Variants in PRSS12 observed in about 807,000 individuals in gnomAD.
PRSS12 encodes serine protease 12, also known as neurotrypsin.
PRSS12 carries 85 observed loss-of-function variants against 104.4 expected under a neutral mutation model. The ratio of observed to expected loss-of-function variants is 0.81; its 90% CI spans 0.68 to 0.98. The LOEUF is 0.98. PRSS12 is among the 50% of genes least tolerant of loss of function. The pLI is 0.00. For synonymous variants in PRSS12, 454 were observed against 425.2 expected (o/e 1.07, Z -0.83); for missense variants, 1,141 against 1,139.2 (o/e 1.00, Z -0.02).
chr4:118,339,361 AAAGTT>A (rs1371120222), intron 1 of PRSS12, among the ~76,000 whole-genome samples: 1 of 152,246 alleles, frequency 6.6e-6, no homozygotes, highest in African/African-American at 2.4e-5. Flanking sequence ...TGCATATTTC[AAAGTT>A]ATGTATGGCT....
intron 1 of PRSS12, 117 bp from the exon 2 acceptor site, chr4:118,338,431 G>C: frequency 7.7e-7 from 1 of 1,293,512 alleles, no homozygotes; most frequent in Non-Finnish European, 1.1e-6. Context: ...CAGGCAGAAT[G>C]ATTTAGCCTC....
At chr4:118,295,755 A>T (rs1468495828) in intron 10 of PRSS12, 23 bp downstream of exon 10, 2 of 1,589,044 alleles carry the variant, frequency 1.3e-6, no homozygotes, top group African/African-American at 1.3e-5. Flanking sequence ...AATATAAAAA[A>T]TCTCTTTTGG....
At chr4:118,340,028 T>A (rs1724160778) in intron 1 of PRSS12, among the ~76,000 whole-genome samples, 1 of 152,190 alleles carries the variant, frequency 6.6e-6, no homozygotes, top group African/African-American at 2.4e-5. Context: ...GCACATTAAG[T>A]GATCATAAGA....
chr4:118,338,260 T>C lies in PRSS12; in HGVS notation c.557A>G (p.Tyr186Cys). ...GACAGTGCCCCAAACTCCACTTGCA[T>C]ATACTTCCACTGTGCCTTCAAACTC... ...KNEFEGTVEV[Y>C]ASGVWGTVCS... Residue 186 changes from tyrosine (Y) to cysteine (C), a missense_variant, in exon 2 of 13, where the codon TAT (tyrosine) becomes TGT (cysteine). Tyr to Cys is a radical substitution (Grantham distance 194). Coordinates refer to ENST00000296498, the MANE Select transcript of PRSS12 (RefSeq NM_003619.4). 1.2e-6 allele frequency: 2 copies of C among 1,614,070 alleles called. No homozygotes were observed. Among genetic ancestry groups the C allele is most frequent in the Non-Finnish European group, 1.7e-6 (2 of 1,179,950 alleles).
At position 118,295,666 on chromosome 4, in the gene PRSS12, GAAAAT is replaced by G. The variant is rs36203193; in HGVS notation, c.1916+107_1916+111del. 663 of 1,024,178 alleles carry G rather than the reference GAAAAT, an allele frequency of 6.5e-4. No homozygotes were observed. In the African/African-American group the frequency reaches 9.8e-3, roughly 15 times the overall value. The allele number at this position is 1,024,178 out of a possible 1,614,324, so 63.4% of individuals were successfully genotyped here. ...ATCAGTGAAATCTGAATTTAGTTTA[GAAAAT>G]AAAATGAGTACAAGTCCCTTATATA... is the stretch of plus-strand genomic sequence containing the variant. On this transcript the variant is annotated intron_variant, in intron 10 of 12. Coordinates refer to ENST00000296498, the MANE Select transcript of PRSS12 (RefSeq NM_003619.4).
In PRSS12 at chr4:118,295,827, A is replaced by G. The variant is rs781009683; in HGVS notation, c.1867T>C (p.Leu623=). 9 of 1,613,998 alleles carry G rather than the reference A, an allele frequency of 5.6e-6. No individual in the cohort carries two copies. In the Admixed American group the frequency reaches 6.7e-5, roughly 12 times the overall value. The change falls in exon 10 of 13, where the codon TTA becomes CTA. Residue 623 remains leucine, a synonymous_variant. Transcript: ENST00000296498. The stretch of plus-strand genomic sequence containing the variant: ...ATCCGCTTCTGCCGACGGTGCAGTA[A>G]TCTCAAGCCACAAACAGATGAGAGG... ...ESLSSVCGLR[L]LHRRQKRIIG...
At chr4:118,295,914 G>T in intron 9 of PRSS12, 58 bp from the exon 10 acceptor site, 2 of 1,439,320 alleles carry the variant, frequency 1.4e-6, no homozygotes, top group East Asian at 2.3e-5. Flanking sequence ...GGGGTAAGAC[G>T]ATAAGTGACA....
At chr4:118,316,678 T>C (rs1723430637) in intron 5 of PRSS12, among the ~76,000 whole-genome samples, 2 of 151,766 alleles carry the variant, frequency 1.3e-5, no homozygotes, top group African/African-American at 4.8e-5. Flanking sequence ...AAAAATTAGC[T>C]GAGCATGGTG....
At chr4:118,344,164 GA>G (rs1229833669) in intron 1 of PRSS12, among the ~76,000 whole-genome samples, 1 of 151,908 alleles carries the variant, frequency 6.6e-6, no homozygotes, top group Non-Finnish European at 1.5e-5. Context: ...CAAAAGAATA[GA>G]AAAAAACCAT....
chr4:118,334,568 A>C (rs1724014830), intron 3 of PRSS12, among the ~76,000 whole-genome samples: 1 of 152,192 alleles, frequency 6.6e-6, no homozygotes, highest in South Asian at 2.1e-4. Flanking sequence ...TCAAAAAAAA[A>C]AGGATTATAG....
At chr4:118,340,420 C>T (rs1724171116) in intron 1 of PRSS12, among the ~76,000 whole-genome samples, 1 of 152,142 alleles carries the variant, frequency 6.6e-6, no homozygotes, top group African/African-American at 2.4e-5. Flanking sequence ...CAGCCAGCCC[C>T]AACACACACC....
At chr4:118,339,142 A>G (rs1200640952) in intron 1 of PRSS12, among the ~76,000 whole-genome samples, 1 of 152,104 alleles carries the variant, frequency 6.6e-6, no homozygotes, top group Non-Finnish European at 1.5e-5. Context: ...TGGTTCAAAG[A>G]CCTACATTCC....
At chr4:118,288,002 C>G (rs1420745019) in intron 11 of PRSS12, among the ~76,000 whole-genome samples, 1 of 152,114 alleles carries the variant, frequency 6.6e-6, no homozygotes, top group Non-Finnish European at 1.5e-5. Context: ...TTCTCTGAGA[C>G]TCTGAGGCTA....
intron 3 of PRSS12, among the ~76,000 whole-genome samples, chr4:118,335,128 T>C (rs1724027022): frequency 6.6e-6 from 1 of 152,170 alleles, no homozygotes; most frequent in African/African-American, 2.4e-5. Flanking sequence ...TTCATGATTA[T>C]TTTCCAGCTT....
intron 2 of PRSS12, among the ~76,000 whole-genome samples, chr4:118,336,894 A>G (rs1724076842): frequency 6.6e-6 from 1 of 152,352 alleles, no homozygotes; most frequent in Non-Finnish European, 1.5e-5. Flanking sequence ...CCACTTGCCA[A>G]TTGTCTGTTT....
intron 7 of PRSS12, among the ~76,000 whole-genome samples, chr4:118,310,609 CAT>C (rs1171407005): frequency 6.6e-6 from 1 of 152,160 alleles, no homozygotes; most frequent in Non-Finnish European, 1.5e-5. Context: ...GCTAAACAAT[CAT>C]ATTGGTATAC....
chr4:118,283,495 A>G (rs187130612), intron 11 of PRSS12, among the ~76,000 whole-genome samples: 15 of 152,368 alleles, frequency 9.8e-5, no homozygotes, highest in African/African-American at 3.1e-4. Context: ...CTGTGAGGGC[A>G]GAAACTAACT....
At chr4:118,329,989 T>C (rs1723876442) in intron 4 of PRSS12, among the ~76,000 whole-genome samples, 1 of 152,190 alleles carries the variant, frequency 6.6e-6, no homozygotes, top group Non-Finnish European at 1.5e-5. Flanking sequence ...AACGTACTTG[T>C]TAGTTTTTTC....
intron 8 of PRSS12, among the ~76,000 whole-genome samples, chr4:118,299,417 A>G (rs1445107372): frequency 6.6e-6 from 1 of 152,190 alleles, no homozygotes; most frequent in African/African-American, 2.4e-5. Flanking sequence ...ACGTTGGCTC[A>G]TGCCTAGAAT....
Sources: gnomAD v4.1 joint callset for allele counts (sites outside exome capture counted in the v4.1 genomes callset) on GRCh38, gnomAD v4.1.1 for gene constraint, MANE v1.5 for transcripts, NCBI Gene and HGNC (gene_info 2026-07-23, HGNC 2026-07-21) for gene names.